RAD51: variants seen among roughly 807,000 people sequenced by gnomAD.
RAD51 encodes DNA repair protein RAD51 homolog 1.
Under a neutral mutation model 41.5 loss-of-function variants are expected in RAD51, and 14 were observed. That is an observed-to-expected ratio of 0.34 (90% confidence interval 0.22 to 0.53). The LOEUF (loss-of-function observed/expected upper bound fraction) is 0.53. Ranked by LOEUF, RAD51 falls within the 20% of genes least tolerant of loss-of-function variation. The pLI is 0.95. For missense variants in RAD51, 234 were observed against 422.0 expected (o/e 0.55, Z 3.90); for synonymous variants, 136 against 148.6 (o/e 0.92, Z 0.62).
At position 40,712,957 on chromosome 15, in the gene RAD51, C is replaced by T. The variant is rs1895784109; in HGVS notation, c.435+3841C>T. Reference sequence around the variant, plus strand: ...GCAGTGGTGTGATCTTGGCTTGCTGCAACCTCTGCCTCCCAGGTTCAAGCC... The same window carrying T: ...GCAGTGGTGTGATCTTGGCTTGCTGTAACCTCTGCCTCCCAGGTTCAAGCC... On this transcript the variant is annotated intron_variant, in intron 5 of 9. Transcript: ENST00000267868. 6.4e-5 allele frequency among the ~76,000 whole-genome samples: 9 copies of T among 140,314 alleles called. No individual in the cohort carries two copies. In the South Asian group the frequency reaches 2.0e-3, roughly 32 times the overall value. 92.1% of individuals were successfully genotyped at this position (140,314 alleles called of 152,430 possible).
intron 9 of RAD51, among the ~76,000 whole-genome samples, chr15:40,730,321 G>A (rs1431738705): frequency 6.6e-6 from 1 of 151,894 alleles, no homozygotes; most frequent in Non-Finnish European, 1.5e-5. Context: ...ACTAGTAAGG[G>A]CAACAAAGTG....
chr15:40,705,384 C>T (rs1414214925), intron 3 of RAD51, among the ~76,000 whole-genome samples: 1 of 152,092 alleles, frequency 6.6e-6, no homozygotes, highest in Admixed American at 6.6e-5. Context: ...TGAATGTTCT[C>T]AGCCAGACAA....
At chr15:40,704,506 C>T (rs150687335) in intron 3 of RAD51, among the ~76,000 whole-genome samples, 2,135 of 151,614 alleles carry the variant, frequency 0.014, 28 homozygotes, top group South Asian at 0.055. Flanking sequence ...GGACTACAGG[C>T]GCACGCCACC....
intron 1 of RAD51, among the ~76,000 whole-genome samples, chr15:40,697,332 G>C (rs1894704606): frequency 6.6e-6 from 1 of 152,118 alleles, no homozygotes; most frequent in Admixed American, 6.6e-5. Context: ...TTGAACTCCT[G>C]AACTTAGGTG....
intron 6 of RAD51, among the ~76,000 whole-genome samples, chr15:40,719,642 C>G (rs1438924485): frequency 6.6e-6 from 1 of 152,108 alleles, no homozygotes; most frequent in African/African-American, 2.4e-5. Flanking sequence ...ACCATCCTGG[C>G]TAACACAGTG....
At chr15:40,705,871 G>T (rs1895302625) in intron 3 of RAD51, among the ~76,000 whole-genome samples, 1 of 152,188 alleles carries the variant, frequency 6.6e-6, no homozygotes, top group Admixed American at 6.5e-5. Flanking sequence ...CTTCCAAAGT[G>T]CTGGGATTAC....
chr15:40,708,105 G>GC (rs1259963153), intron 4 of RAD51, among the ~76,000 whole-genome samples: 1 of 141,112 alleles, frequency 7.1e-6, no homozygotes, highest in Non-Finnish European at 1.5e-5. Context: ...TGCCACTTCC[G>GC]CCCCCAGGTT....
chr15:40,711,587 G>A (rs1225313681), intron 5 of RAD51, among the ~76,000 whole-genome samples: 1 of 152,146 alleles, frequency 6.6e-6, no homozygotes, highest in African/African-American at 2.4e-5. Context: ...AATACTTTAT[G>A]GAGAAAAGAT....
Position 40,731,452 on chromosome 15 carries a change from T to C in RAD51, c.*274T>C, listed in dbSNP as rs1896871959. On this transcript the variant is annotated 3_prime_UTR_variant, in exon 10 of 10. Coordinates refer to ENST00000267868, the MANE Select transcript of RAD51 (RefSeq NM_002875.5). ...GGGGTATGAAGTATCTTTGACATGGTGCCTTAGGAATGACTTGGGTTTAAC... is the reference window on the plus strand; with the variant it reads ...GGGGTATGAAGTATCTTTGACATGGCGCCTTAGGAATGACTTGGGTTTAAC... 2.2e-6 allele frequency: 1 copy of C among 452,958 alleles called. No homozygotes were observed. The highest frequency in any genetic ancestry group is 4.1e-6 in the Non-Finnish European group (1 of 246,886). 28.1% of individuals were successfully genotyped at this position (452,958 alleles called of 1,614,324 possible). A position where few individuals can be genotyped will look rare whatever the true frequency, so the allele number is the denominator to read the frequency against.
intron 1 of RAD51, among the ~76,000 whole-genome samples, chr15:40,697,694 C>CA (rs1894737235): frequency 6.7e-6 from 1 of 148,640 alleles, no homozygotes; most frequent in Admixed American, 6.9e-5. Flanking sequence ...TCTCCTGTCT[C>CA]AGCCTGCCAC....
At chr15:40,721,324 T>G (rs1486664968) in intron 6 of RAD51, among the ~76,000 whole-genome samples, 1 of 152,160 alleles carries the variant, frequency 6.6e-6, no homozygotes, top group Non-Finnish European at 1.5e-5. Flanking sequence ...GGACCCAGAA[T>G]AGCCGAAATG....
At chr15:40,729,733 A>C in intron 8 of RAD51, 99 bp downstream of exon 8, 1 of 1,607,068 alleles carries the variant, frequency 6.2e-7, no homozygotes, top group Non-Finnish European at 8.5e-7. Flanking sequence ...GAGATCATCA[A>C]GCTCTTAGGA....
Position 40,731,701 on chromosome 15 carries a change from C to A in RAD51, c.*523C>A. The A allele has an allele frequency of 4.3e-6, 1 of 233,190 alleles. No individual in the cohort carries two copies. Among genetic ancestry groups the A allele is most frequent in the Non-Finnish European group, 8.6e-6 (1 of 116,944 alleles). The allele number at this position is 233,190 out of a possible 1,614,324, so 14.4% of individuals were successfully genotyped here. ...AAGGTTTTGGTTATGGAGTCTTGTG[C>A]CAAACCTACTAGGCCATTAGCCCTT... On this transcript the variant is annotated 3_prime_UTR_variant, in exon 10 of 10. Coordinates refer to ENST00000267868, the MANE Select transcript of RAD51 (RefSeq NM_002875.5).
intron 4 of RAD51, among the ~76,000 whole-genome samples, chr15:40,707,666 C>T (rs1356618636): frequency 6.6e-6 from 1 of 152,064 alleles, no homozygotes; most frequent in Non-Finnish European, 1.5e-5. Flanking sequence ...GTTAACACTG[C>T]AGAAGGCTAG....
intron 5 of RAD51, among the ~76,000 whole-genome samples, chr15:40,712,881 T>TC (rs1555427827): frequency 1.1e-3 from 154 of 142,278 alleles, no homozygotes; most frequent in African/African-American, 3.9e-3. Context: ...TCTTTTCTTT[T>TC]TTTTTTTTTT....
chr15:40,726,786 G>T (rs1429826877), intron 6 of RAD51, among the ~76,000 whole-genome samples: 2 of 151,742 alleles, frequency 1.3e-5, no homozygotes, highest in African/African-American at 4.9e-5. Context: ...GGTAGCGGGT[G>T]CCTGTAGTCC....
At position 40,702,934 on chromosome 15, in the gene RAD51, A is replaced by G. The variant is rs563093982; in HGVS notation, c.225+1733A>G. On this transcript the variant is annotated intron_variant, in intron 3 of 9. Transcript: ENST00000267868. ...AGCTTCAAACTCCTGGGCTCAAGGA[A>G]TTCTCAGCCTGCTGAGTAGCTGGGA... Among the ~76,000 whole-genome samples, 9 of 152,144 alleles carry G rather than the reference A, an allele frequency of 5.9e-5. No homozygotes were observed. The South Asian group carries it at 1.9e-3, about 32-fold the overall frequency.
rs1896867668 is a variant in RAD51, at chr15:40,731,329, T to C, written c.*151T>C. Reference sequence around the variant, plus strand: ...GCTATTATATCAGCTTTTCTGATGGTATAAACAGGAGACAGGTCAGTAGTC... The same window carrying C: ...GCTATTATATCAGCTTTTCTGATGGCATAAACAGGAGACAGGTCAGTAGTC... On this transcript the variant is annotated 3_prime_UTR_variant, in exon 10 of 10. Transcript: ENST00000267868. 2 of 1,004,712 alleles carry C rather than the reference T, an allele frequency of 2.0e-6. No individual in the cohort carries two copies. Among genetic ancestry groups the C allele is most frequent in the Admixed American group, 2.1e-5 (1 of 48,288 alleles). 62.2% of individuals were successfully genotyped at this position (1,004,712 alleles called of 1,614,324 possible). A position where few individuals can be genotyped will look rare whatever the true frequency, so the allele number is the denominator to read the frequency against.
chr15:40,724,613 C>A (rs1296223879), intron 6 of RAD51, among the ~76,000 whole-genome samples: 1 of 151,782 alleles, frequency 6.6e-6, no homozygotes, highest in Non-Finnish European at 1.5e-5. Context: ...AGCAGTCCCC[C>A]CTCCTCAGTG....
Sources: gnomAD v4.1 joint callset for allele counts (sites outside exome capture counted in the v4.1 genomes callset) on GRCh38, gnomAD v4.1.1 for gene constraint, MANE v1.5 for transcripts, NCBI Gene and HGNC (gene_info 2026-07-23, HGNC 2026-07-21) for gene names.